Variants in NHSL2 observed in about 807,000 individuals in gnomAD.
NHSL2 encodes NHS-like protein 2.
In NHSL2, 27 loss-of-function variants were observed where a neutral mutation model predicts 53.4. The ratio of observed to expected loss-of-function variants is 0.51; its 90% CI spans 0.37 to 0.70. The LOEUF is 0.70. Ranked by LOEUF, NHSL2 falls within the 30% of genes least tolerant of loss-of-function variation. The pLI is 0.00. For synonymous variants in NHSL2, 408 were observed against 404.1 expected, an observed-to-expected ratio of 1.01 and a Z score of -0.12; for missense variants, 892 against 980.1, an observed-to-expected ratio of 0.91 and a Z score of 1.20.
chrX:71,980,313 C>A (rs1304178033), intron 1 of NHSL2, among the ~76,000 whole-genome samples: 1 of 111,527 alleles, frequency 9.0e-6, no homozygotes, highest in East Asian at 2.8e-4. Flanking sequence ...TCATTGGTAG[C>A]TTGATGGGGA....
At chrX:72,004,552 G>A (rs1158576738) in intron 1 of NHSL2, among the ~76,000 whole-genome samples, 1 of 111,924 alleles carries the variant, frequency 8.9e-6, no homozygotes, top group Non-Finnish European at 1.9e-5. Context: ...TGCTGCCTCT[G>A]GTTTGGGAGT....
chrX:72,027,035 G>A (rs1048518879), intron 1 of NHSL2, among the ~76,000 whole-genome samples: 1 of 112,376 alleles, frequency 8.9e-6, no homozygotes, highest in Non-Finnish European at 1.9e-5. Flanking sequence ...GAGGAGAAGA[G>A]GAAAGTGGTT....
intron 1 of NHSL2, among the ~76,000 whole-genome samples, chrX:71,983,332 CTA>C (rs754946151): frequency 9.0e-6 from 1 of 111,095 alleles, no homozygotes; most frequent in Non-Finnish European, 1.9e-5. Context: ...TTGCTTGGTG[CTA>C]TGTCTCACGC....
At chrX:71,973,476 C>G (rs978343723) in intron 1 of NHSL2, among the ~76,000 whole-genome samples, 1 of 111,797 alleles carries the variant, frequency 8.9e-6, no homozygotes, top group Non-Finnish European at 1.9e-5. Flanking sequence ...TTCTAAATAA[C>G]GAGCCCCCTT....
At chrX:71,950,358 A>G (rs1278158952) in intron 1 of NHSL2, among the ~76,000 whole-genome samples, 1 of 112,680 alleles carries the variant, frequency 8.9e-6, no homozygotes, top group Non-Finnish European at 1.9e-5. Flanking sequence ...CTGGCCAACA[A>G]TACTCGGCAG....
intron 1 of NHSL2, among the ~76,000 whole-genome samples, chrX:72,081,654 A>G (rs1354509857): frequency 8.9e-6 from 1 of 111,933 alleles, no homozygotes; most frequent in Non-Finnish European, 1.9e-5. Context: ...AAACAGACGC[A>G]GCTGCTCAAA....
intron 1 of NHSL2, among the ~76,000 whole-genome samples, chrX:71,955,390 C>T (rs1192473542): frequency 1.8e-5 from 2 of 110,030 alleles, no homozygotes; most frequent in Non-Finnish European, 3.8e-5. Context: ...GCACCTCCCC[C>T]GTGAAGTCTC....
intron 1 of NHSL2, among the ~76,000 whole-genome samples, chrX:72,053,284 T>TG (rs2042351000): frequency 9.0e-6 from 1 of 111,254 alleles, no homozygotes; most frequent in African/African-American, 3.3e-5. Context: ...ACTGGATTCT[T>TG]GCGACAGTCG....
intron 1 of NHSL2, among the ~76,000 whole-genome samples, chrX:71,953,056 T>C (rs947593715): frequency 9.0e-6 from 1 of 111,112 alleles, no homozygotes; most frequent in African/African-American, 3.3e-5. Flanking sequence ...TTGCCTGACG[T>C]CCTTCTGGCC....
intron 1 of NHSL2, among the ~76,000 whole-genome samples, chrX:71,946,359 T>C (rs2041792530): frequency 8.9e-6 from 1 of 112,383 alleles, no homozygotes; most frequent in Admixed American, 9.4e-5. Flanking sequence ...TGCAAGCTGG[T>C]TATCAGACCA....
chrX:72,062,544 G>C (rs1210717290), intron 1 of NHSL2, among the ~76,000 whole-genome samples: 3 of 111,961 alleles, frequency 2.7e-5, no homozygotes, highest in African/African-American at 9.8e-5. Context: ...TGAGTGCCTT[G>C]GGAACAGGGT....
chrX:72,104,157 T>C (rs1470515159), intron 1 of NHSL2, among the ~76,000 whole-genome samples: 1 of 111,812 alleles, frequency 8.9e-6, no homozygotes, highest in East Asian at 2.8e-4. Flanking sequence ...GCCACAGATG[T>C]TTTTATATCT....
At chrX:72,007,520 GC>G (rs747644428) in intron 1 of NHSL2, among the ~76,000 whole-genome samples, 12 of 112,718 alleles carry the variant, frequency 1.1e-4, no homozygotes, top group Non-Finnish European at 2.1e-4. Flanking sequence ...CCCCAGAGTT[GC>G]CCCACATCAC....
chrX:71,999,958 G>A (rs1233701365), intron 1 of NHSL2, among the ~76,000 whole-genome samples: 2 of 112,168 alleles, frequency 1.8e-5, no homozygotes, highest in African/African-American at 6.5e-5. Context: ...ATCAATGAAA[G>A]CATTATGGGA....
intron 1 of NHSL2, among the ~76,000 whole-genome samples, chrX:72,078,369 G>A (rs2041761677): frequency 8.9e-6 from 1 of 112,541 alleles, no homozygotes. Context: ...CCCCTCAGAA[G>A]TTCTGGTTTA....
At position 72,134,644 on chromosome X, in the gene NHSL2, G is replaced by A. The variant is rs1169684493; in HGVS notation, c.700G>A (p.Glu234Lys). The stretch of plus-strand genomic sequence containing the variant: ...CCTTTTCCCTCTGCCCATCCTAGAG[G>A]AGAAGCGGTGGCCTCAGCTTTGCTC... ...NSLFPLPILE[E>K]KRWPQLCSTQ... The change falls in exon 4 of 8, where the codon GAG becomes AAG. Residue 234 changes from glutamate to lysine, a missense_variant. Transcript: ENST00000633930. The A allele has an allele frequency of 8.6e-7, 1 of 1,167,567 alleles. No homozygotes were observed. Among genetic ancestry groups the A allele is most frequent in the Non-Finnish European group, 1.1e-6 (1 of 872,375 alleles).
intron 1 of NHSL2, among the ~76,000 whole-genome samples, chrX:72,065,990 A>G (rs1377521925): frequency 2.7e-5 from 3 of 112,297 alleles, no homozygotes; most frequent in East Asian, 5.6e-4. Flanking sequence ...GACACTTTAG[A>G]CAACAAATCA....
chrX:71,912,799 GT>G (rs890460169), intron 1 of NHSL2, among the ~76,000 whole-genome samples: 21 of 111,700 alleles, frequency 1.9e-4, no homozygotes, highest in African/African-American at 6.9e-4. Context: ...TTGAGGAGTA[GT>G]TTTCAAAATC....
At chrX:71,942,970 C>CTGTGTGTGTGTGTG (rs1348513435) in intron 1 of NHSL2, among the ~76,000 whole-genome samples, 7 of 17,095 alleles carry the variant, frequency 4.1e-4, no homozygotes, top group African/African-American at 1.1e-3. Context: ...CTCTCTCTCT[C>CTGTGTGTGTGTGTG]TCTGTGTGTG....
Sources: allele counts gnomAD v4.1 joint callset (sites outside exome capture counted in the v4.1 genomes callset), GRCh38; gene constraint gnomAD v4.1.1; transcripts MANE v1.5; gene names NCBI Gene and HGNC (gene_info 2026-07-23, HGNC 2026-07-21).